The following ZC3H11A variants were observed in gnomAD, a reference collection of about 807,000 sequenced individuals.
ZC3H11A encodes zinc finger CCCH-type containing 11A.
Under a neutral mutation model 90.8 loss-of-function variants are expected in ZC3H11A, and 22 were observed. That is an observed-to-expected ratio of 0.24 (90% CI 0.17 to 0.35). The LOEUF is 0.35. Ranked by LOEUF, ZC3H11A falls within the 10% of genes least tolerant of loss-of-function variation. The probability of loss-of-function intolerance (pLI) is 1.00; values close to 1 mark genes in which losing one functional copy is unlikely to be tolerated. For synonymous variants in ZC3H11A, 294 were observed against 339.8 expected (o/e 0.87, Z 1.48); for missense variants, 701 against 964.9 (o/e 0.73, Z 3.62).
chr1:203,830,293 A>G (rs1415555798), intron 8 of ZC3H11A, 90 bp downstream of exon 8: 16 of 973,220 alleles, frequency 1.6e-5, no homozygotes, highest in Non-Finnish European at 1.9e-5. Flanking sequence ...AAATGAGCAA[A>G]TAGATTTTCA....
chr1:203,833,918 C>T lies in ZC3H11A; in HGVS notation c.874+65C>T, dbSNP rs557275394. The T allele has an allele frequency of 1.0e-3, 1,594 of 1,546,940 alleles. 2 individuals carry two copies. The highest frequency in any genetic ancestry group is 1.3e-3 in the Non-Finnish European group (1,476 of 1,142,706). ...TTTGTGCATTAACATGATAGCTTCTCCAAACTCTTTTTATACAGATCTTTG... is the reference window on the plus strand; with the variant it reads ...TTTGTGCATTAACATGATAGCTTCTTCAAACTCTTTTTATACAGATCTTTG... On this transcript the variant is annotated intron_variant, in intron 10 of 17. Coordinates refer to ENST00000367210, the MANE Select transcript of ZC3H11A (RefSeq NM_001376342.1).
intron 1 of ZC3H11A, chr1:203,797,724 T>G: frequency 6.5e-7 from 1 of 1,535,220 alleles, no homozygotes; most frequent in Non-Finnish European, 8.7e-7. Context: ...AAAGAAGGGT[T>G]TGCGAATTAA....
intron 2 of ZC3H11A, among the ~76,000 whole-genome samples, chr1:203,803,666 C>T (rs1449962935): frequency 1.3e-5 from 2 of 152,166 alleles, no homozygotes; most frequent in Admixed American, 1.3e-4. Flanking sequence ...AGTGCAGTGG[C>T]ATGATCATAG....
intron 1 of ZC3H11A, chr1:203,796,590 A>G (rs977760709): frequency 2.5e-6 from 1 of 397,354 alleles, no homozygotes; most frequent in African/African-American, 2.1e-5. Flanking sequence ...AGAGATAGCG[A>G]TGCTTTTTAG....
chr1:203,818,723 G>A (rs746145121), intron 4 of ZC3H11A, 34 bp downstream of exon 4: 31 of 1,613,268 alleles, frequency 1.9e-5, no homozygotes, highest in Non-Finnish European at 2.3e-5. Context: ...ATAATAAGTA[G>A]TCTGGAGACC....
intron 10 of ZC3H11A, chr1:203,834,055 G>A: frequency 8.1e-7 from 1 of 1,239,138 alleles, no homozygotes; most frequent in Non-Finnish European, 1.0e-6. Flanking sequence ...AATTGAACTA[G>A]ATTATGACCA....
chr1:203,809,874 A>G (rs1673740692), intron 2 of ZC3H11A, among the ~76,000 whole-genome samples: 1 of 152,114 alleles, frequency 6.6e-6, no homozygotes, highest in African/African-American at 2.4e-5. Context: ...GAATTGCTTG[A>G]ACCCAGGAGG....
chr1:203,802,430 ATATG>A lies in ZC3H11A; in HGVS notation c.-730_-727del, dbSNP rs1469236192. ...GTTATATTTCTATACATTTTTGTGT[ATATG>A]TGTGTGTGTATAAGCCAGTTAGTAT... On this transcript the variant is annotated 5_prime_UTR_variant, in exon 2 of 18. It adds an upstream start codon to the 5' untranslated region. Transcript: ENST00000367210. 2.0e-5 allele frequency: 3 copies of A among 152,498 alleles called. No individual in the cohort carries two copies. Among genetic ancestry groups the A allele is most frequent in the Admixed American group, 2.0e-4 (3 of 15,256 alleles). The allele number at this position is 152,498 out of a possible 1,614,324, so 9.4% of individuals were successfully genotyped here. A position where few individuals can be genotyped will look rare whatever the true frequency, so the allele number is the denominator to read the frequency against.
At chr1:203,833,618 G>GTTTTTTTTTTTTTTTTT (rs553171669) in intron 9 of ZC3H11A, among the ~76,000 whole-genome samples, 173 bp from the exon 10 acceptor site, 11 of 124,814 alleles carry the variant, frequency 8.8e-5, no homozygotes, top group Non-Finnish European at 1.5e-4. Flanking sequence ...ATAGGTTTGG[G>GTTTTTTTTTTTTTTTTT]TTTTTTTTTT....
chr1:203,797,655 G>GA (rs1333511967), intron 1 of ZC3H11A: 29 of 1,536,052 alleles, frequency 1.9e-5, no homozygotes, highest in Non-Finnish European at 2.5e-5. Flanking sequence ...TGTGGTAGAG[G>GA]AAAAGATGGT....
chr1:203,836,741 A>T (rs542667377), intron 10 of ZC3H11A, among the ~76,000 whole-genome samples: 1 of 152,236 alleles, frequency 6.6e-6, no homozygotes, highest in African/African-American at 2.4e-5. Flanking sequence ...TTCCCACTGC[A>T]CTCCAGCCTG....
chr1:203,839,509 T>A (rs1267995549), intron 11 of ZC3H11A, among the ~76,000 whole-genome samples: 2 of 152,224 alleles, frequency 1.3e-5, no homozygotes, highest in Non-Finnish European at 2.9e-5. Flanking sequence ...AATAAGAAAC[T>A]TCTTTTAATT....
At chr1:203,797,999 CA>C (rs901977222) in intron 1 of ZC3H11A, 1 of 1,533,756 alleles carries the variant, frequency 6.5e-7, no homozygotes, top group Non-Finnish European at 8.7e-7. Flanking sequence ...AAAGCGTCAG[CA>C]GGGGTAAACC....
chr1:203,798,601 C>T (rs1343492359), intron 1 of ZC3H11A: 1 of 1,536,116 alleles, frequency 6.5e-7, no homozygotes. Flanking sequence ...GATTTAACAG[C>T]TGAGGACCTT....
At chr1:203,845,299 A>G (rs1422846510) in intron 12 of ZC3H11A, among the ~76,000 whole-genome samples, 1 of 152,150 alleles carries the variant, frequency 6.6e-6, no homozygotes, top group African/African-American at 2.4e-5. Flanking sequence ...CAGGGCCTCT[A>G]TGTCACCATT....
At chr1:203,846,852 CAATT>C (rs538823566) in intron 12 of ZC3H11A, among the ~76,000 whole-genome samples, 34 of 151,920 alleles carry the variant, frequency 2.2e-4, no homozygotes, top group Admixed American at 1.6e-3. Context: ...GAAATAGAAA[CAATT>C]AGCCGGGCTT....
chr1:203,805,539 T>C (rs1208839566), intron 2 of ZC3H11A: 1 of 555,758 alleles, frequency 1.8e-6, no homozygotes, highest in Admixed American at 2.1e-5. Context: ...GACAGAAACG[T>C]ATCTGTTACG....
At chr1:203,803,562 G>A (rs1457791176) in intron 2 of ZC3H11A, among the ~76,000 whole-genome samples, 5 of 152,152 alleles carry the variant, frequency 3.3e-5, no homozygotes, top group Non-Finnish European at 4.4e-5. Flanking sequence ...TAGCCAAAGT[G>A]AAATCTTCCT....
At chr1:203,797,687 G>A in intron 1 of ZC3H11A, 1 of 1,535,702 alleles carries the variant, frequency 6.5e-7, no homozygotes, top group Non-Finnish European at 8.7e-7. Context: ...TGAATAAAGA[G>A]GCAAAACAGC....
Sources: gnomAD v4.1 joint callset for allele counts (sites outside exome capture counted in the v4.1 genomes callset) on GRCh38, gnomAD v4.1.1 for gene constraint, MANE v1.5 for transcripts, NCBI Gene and HGNC (gene_info 2026-07-23, HGNC 2026-07-21) for gene names.